SLCO3A1: variants seen among roughly 807,000 people sequenced by gnomAD.
SLCO3A1 encodes PGE1 transporter.
SLCO3A1 carries 27 observed loss-of-function variants against 63.1 expected under a neutral mutation model. The observed-to-expected ratio is 0.43, with a 90% confidence interval of 0.32 to 0.59. The LOEUF is 0.59. Ranked by LOEUF, SLCO3A1 falls within the 20% of genes least tolerant of loss-of-function variation. The pLI is 0.09. For synonymous variants in SLCO3A1, 473 were observed against 409.9 expected, an observed-to-expected ratio of 1.15 and a Z score of -1.86; for missense variants, 773 against 945.8, an observed-to-expected ratio of 0.82 and a Z score of 2.40.
In SLCO3A1 at chr15:91,863,297, C is replaced by T. The variant is rs1292168228; in HGVS notation, c.180+9209C>T. ...TGGCTGTGCTGTCAGCACCAGCTCC[C>T]CTTCTCTCCAGGGGTACAGGAGGCT... On this transcript the variant is annotated intron_variant, in intron 1 of 9. Transcript: ENST00000318445. This position sits in a 1 kb window ranked among gnomAD's most constrained non-coding sequence, Gnocchi z 4.3. 6.6e-6 allele frequency among the ~76,000 whole-genome samples: 1 copy of T among 152,204 alleles called. No homozygotes were observed. Among genetic ancestry groups the T allele is most frequent in the Non-Finnish European group, 1.5e-5 (1 of 68,026 alleles).
At chr15:92,003,329 T>C (rs369959330) in intron 2 of SLCO3A1, among the ~76,000 whole-genome samples, 1 of 152,240 alleles carries the variant, frequency 6.6e-6, no homozygotes, top group African/African-American at 2.4e-5. Context: ...ACACATGTCC[T>C]GTCTCACCCC....
rs559687302 is a variant in SLCO3A1, at chr15:91,878,264, TAGTAGGGACGA to T, written c.180+24180_180+24190del. 6.6e-5 allele frequency among the ~76,000 whole-genome samples: 10 copies of T among 152,058 alleles called. 1 individual carries two copies. Among genetic ancestry groups the T allele is most frequent in the Admixed American group, 2.6e-4 (4 of 15,274 alleles). ...CCACACCTGGATAATTTTTGTATTT[TAGTAGGGACGA>T]AGTTCACCCTGTTGGCCAGGCTGGT... On this transcript the variant is annotated intron_variant, in intron 1 of 9. Coordinates refer to ENST00000318445, the MANE Select transcript of SLCO3A1 (RefSeq NM_013272.4).
chr15:92,035,057 C>G (rs1435262715), intron 2 of SLCO3A1, among the ~76,000 whole-genome samples: 1 of 151,822 alleles, frequency 6.6e-6, no homozygotes, highest in African/African-American at 2.4e-5. Flanking sequence ...GATGGAGAAT[C>G]CAGGACAATG....
chr15:92,071,534 G>A (rs1405091527), intron 2 of SLCO3A1, among the ~76,000 whole-genome samples: 1 of 152,228 alleles, frequency 6.6e-6, no homozygotes, highest in Non-Finnish European at 1.5e-5. Context: ...TTGAAGCTAA[G>A]TGTCACCCAT....
chr15:92,128,381 C>T lies in SLCO3A1; in HGVS notation c.1404C>T (p.Tyr468=), dbSNP rs1295421681. 1.9e-6 allele frequency: 3 copies of T among 1,614,192 alleles called. No homozygotes were observed. The highest frequency in any genetic ancestry group is 8.5e-7 in the Non-Finnish European group (1 of 1,180,020). ...STAPGSALDP[Y]SPCNNNCECQ... The stretch of plus-strand genomic sequence containing the variant: ...CACCTGGCTCAGCCCTGGACCCCTA[C>T]TCGCCCTGCAATAATAACTGTGAAT... The change falls in exon 7 of 10, where the codon TAC becomes TAT. Residue 468 remains tyrosine (Y), a synonymous_variant. Transcript: ENST00000318445.
intron 2 of SLCO3A1, among the ~76,000 whole-genome samples, chr15:91,976,554 T>C (rs1901118981): frequency 6.6e-6 from 1 of 152,160 alleles, no homozygotes; most frequent in Non-Finnish European, 1.5e-5. Context: ...CTCCTTCTCC[T>C]TGGAGTAGCC....
At chr15:92,133,370 T>C (rs1421355108) in intron 7 of SLCO3A1, among the ~76,000 whole-genome samples, 2 of 146,226 alleles carry the variant, frequency 1.4e-5, no homozygotes, top group East Asian at 3.8e-4. Flanking sequence ...TTGCCCACTA[T>C]AAAAACCAAC....
intron 1 of SLCO3A1, among the ~76,000 whole-genome samples, chr15:91,884,540 G>A (rs1897675467): frequency 1.3e-5 from 2 of 151,550 alleles, no homozygotes; most frequent in African/African-American, 4.8e-5. Context: ...AGGTGGAGGG[G>A]AGCATTCTGA....
At chr15:91,972,843 G>T (rs115779758) in intron 2 of SLCO3A1, among the ~76,000 whole-genome samples, 4,910 of 152,220 alleles carry the variant, frequency 0.032, 264 homozygotes, top group African/African-American at 0.11. Context: ...CAGTGGGGCC[G>T]GGCATGGTGG....
At position 91,854,477 on chromosome 15, in the gene SLCO3A1, G is replaced by A; in HGVS notation, c.180+389G>A. 1 of 659,970 alleles carries A rather than the reference G, an allele frequency of 1.5e-6. No homozygotes were observed. Among genetic ancestry groups the A allele is most frequent in the Non-Finnish European group, 1.9e-6 (1 of 527,894 alleles). 40.9% of individuals were successfully genotyped at this position (659,970 alleles called of 1,614,324 possible). On this transcript the variant is annotated intron_variant, in intron 1 of 9. Transcript: ENST00000318445. The surrounding 1 kb of genome is among the most constrained non-coding windows in gnomAD (Gnocchi z 6.4). ...GGGGTTTTCAGGTGACCTGCACATG[G>A]GAAGAAAAACCAGTTAGCATCCTGC...
rs1900262376 is a variant in SLCO3A1, at chr15:91,957,128, A to AT, written c.646+40671dup. Among the ~76,000 whole-genome samples the AT allele has an allele frequency of 8.6e-5, 2 of 23,228 alleles. 1 individual carries two copies. Among genetic ancestry groups the AT allele is most frequent in the African/African-American group, 6.2e-4 (2 of 3,244 alleles). 15.2% of individuals were successfully genotyped at this position (23,228 alleles called of 152,430 possible). The stretch of plus-strand genomic sequence containing the variant: ...TATATATATATATAATATATATAAT[A>AT]TATATACTATATATTATAATATATA... On this transcript the variant is annotated intron_variant, in intron 2 of 9. Transcript: ENST00000318445.
Position 91,863,448 on chromosome 15 carries a change from A to G in SLCO3A1, c.180+9360A>G, listed in dbSNP as rs1229588186. Among the ~76,000 whole-genome samples the G allele has an allele frequency of 1.3e-5, 2 of 152,238 alleles. No individual in the cohort carries two copies. Among genetic ancestry groups the G allele is most frequent in the Admixed American group, 6.5e-5 (1 of 15,290 alleles). The stretch of plus-strand genomic sequence containing the variant: ...GTGAGTACAACCACTGCCGGTTGTG[A>G]CAGACACCATCCTTTGGCCGTTTCA... On this transcript the variant is annotated intron_variant, in intron 1 of 9. Transcript: ENST00000318445. The surrounding 1 kb of genome is among the most constrained non-coding windows in gnomAD (Gnocchi z 4.3).
chr15:91,924,321 C>T (rs1006302148), intron 2 of SLCO3A1, among the ~76,000 whole-genome samples: 1 of 152,128 alleles, frequency 6.6e-6, no homozygotes, highest in Non-Finnish European at 1.5e-5. Context: ...GGCTGGAAAT[C>T]CGTATTTTTC....
Position 91,875,374 on chromosome 15 carries a change from T to C in SLCO3A1, c.180+21286T>C, listed in dbSNP as rs1897374154. ...CTCCTCCCCCAGCTCCATGGCATGA[T>C]GTTGGCACTGCCTTTCCAGTTTACT... On this transcript the variant is annotated intron_variant, in intron 1 of 9. Coordinates refer to ENST00000318445, the MANE Select transcript of SLCO3A1 (RefSeq NM_013272.4). The surrounding 1 kb of genome is among the most constrained non-coding windows in gnomAD (Gnocchi z 4.5). Among the ~76,000 whole-genome samples the C allele has an allele frequency of 6.6e-6, 1 of 152,166 alleles. No individual in the cohort carries two copies. The highest frequency in any genetic ancestry group is 1.5e-5 in the Non-Finnish European group (1 of 68,024).
rs561938049 is a variant in SLCO3A1, at chr15:92,038,916, A to G, written c.647-55965A>G. Among the ~76,000 whole-genome samples the G allele has an allele frequency of 7.2e-5, 11 of 152,310 alleles. No homozygotes were observed. The South Asian group carries it at 2.3e-3, about 32-fold the overall frequency. Reference sequence around the variant, plus strand: ...GGTACCAAAAAAGACATATAGACCAATGGAACAGAACAGAGACCTCAGAAA... The same window carrying G: ...GGTACCAAAAAAGACATATAGACCAGTGGAACAGAACAGAGACCTCAGAAA... On this transcript the variant is annotated intron_variant, in intron 2 of 9. Coordinates refer to ENST00000318445, the MANE Select transcript of SLCO3A1 (RefSeq NM_013272.4).
intron 2 of SLCO3A1, among the ~76,000 whole-genome samples, chr15:92,083,316 C>A (rs1237431761): frequency 6.6e-6 from 1 of 152,170 alleles, no homozygotes; most frequent in East Asian, 1.9e-4. Flanking sequence ...CTTCTGCTGC[C>A]CAGCTAGCTT....
chr15:91,973,114 AAAAAG>A (rs1177005505), intron 2 of SLCO3A1, among the ~76,000 whole-genome samples: 2 of 152,238 alleles, frequency 1.3e-5, no homozygotes, highest in Non-Finnish European at 2.9e-5. Context: ...ACTCCGTCTC[AAAAAG>A]AAAAGAAAAG....
At chr15:91,987,096 C>T (rs186053035) in intron 2 of SLCO3A1, among the ~76,000 whole-genome samples, 75 of 152,170 alleles carry the variant, frequency 4.9e-4, no homozygotes, top group Non-Finnish European at 9.1e-4. Context: ...TGCTTTTTAT[C>T]GCTTACAGAT....
intron 2 of SLCO3A1, among the ~76,000 whole-genome samples, chr15:92,073,868 T>C (rs1204672816): frequency 2.0e-5 from 3 of 152,240 alleles, no homozygotes; most frequent in Non-Finnish European, 2.9e-5. Context: ...ACCACTGCTT[T>C]AAGAGAACCT....
Sources: allele counts gnomAD v4.1 joint callset (sites outside exome capture counted in the v4.1 genomes callset), GRCh38; gene constraint gnomAD v4.1.1; non-coding constraint Gnocchi (gnomAD v3.1); transcripts MANE v1.5; gene names NCBI Gene and HGNC (gene_info 2026-07-23, HGNC 2026-07-21).